FSCN2: variants seen among roughly 807,000 people sequenced by gnomAD.
FSCN2 encodes fascin actin-bundling protein 2, retinal.
A neutral mutation model predicts 37.8 loss-of-function variants in FSCN2; 46 were observed. The ratio of observed to expected loss-of-function variants is 1.22; its 90% CI spans 0.96 to 1.56. The LOEUF is 1.56. FSCN2 is among the 40% of genes most tolerant of loss of function. FSCN2 has a pLI of 0.00. For missense variants in FSCN2, 844 were observed against 730.4 expected (o/e 1.16, Z -1.79); for synonymous variants, 351 against 309.4 (o/e 1.13, Z -1.41).
At chr17:81,518,120 A>G in the FSCN2 span, among the ~76,000 whole-genome samples, 1 of 152,068 alleles carries the variant, frequency 6.6e-6, no homozygotes, top group Non-Finnish European at 1.5e-5. Flanking sequence ...CTGGAGGCCC[A>G]CAGAGTGGGC....
chr17:81,532,167 ATGGTGGTGG>A (rs1374180757), intron 1 of FSCN2, among the ~76,000 whole-genome samples: 6,934 of 121,452 alleles, frequency 0.057, 760 homozygotes, highest in African/African-American at 0.2. Flanking sequence ...GATGATGGTG[ATGGTGGTGG>A]TGATGGTGGT....
In FSCN2 at chr17:81,529,091, A is replaced by T; in HGVS notation, c.560A>T (p.Lys187Met). The T allele has an allele frequency of 6.3e-7, 1 of 1,589,804 alleles. No homozygotes were observed. Among genetic ancestry groups the T allele is most frequent in the Non-Finnish European group, 8.5e-7 (1 of 1,170,112 alleles). The change falls in exon 1 of 5, where the codon AAG (lysine) becomes ATG (methionine). Residue 187 changes from lysine to methionine, a missense_variant. Lys to Met is a moderately conservative substitution (Grantham distance 95). Transcript: ENST00000417245. The part of the protein sequence containing the change: ...LIFRSRRYCL[K>M]SCDSRYLRSD... ...TTCCGGAGCCGACGGTACTGCCTCA[A>T]GTCCTGTGACAGCCGCTACCTGCGC...
At chr17:81,532,127 GATA>G (rs2032675579) in intron 1 of FSCN2, among the ~76,000 whole-genome samples, 1 of 140,682 alleles carries the variant, frequency 7.1e-6, no homozygotes, top group Non-Finnish European at 1.5e-5. Context: ...TGATGGTGAT[GATA>G]GTGATGGTGA....
Position 81,536,202 on chromosome 17 carries a change from C to G in FSCN2, c.1040C>G (p.Ala347Gly), listed in dbSNP as rs1363844454. Residue 347 changes from alanine to glycine, a missense_variant, in exon 3 of 5, where the codon GCC (alanine) becomes GGC (glycine). Physicochemically the swap from Ala to Gly is moderately conservative, Grantham distance 60 (BLOSUM62 0). Coordinates refer to ENST00000417245, the MANE Select transcript of FSCN2 (RefSeq NM_012418.4). Reference sequence around the variant, plus strand: ...CGTGGCCGGCGGGTAGCACTCAAAGCCAGCAACGGGCGCTACGTGTGCATG... The same window carrying G: ...CGTGGCCGGCGGGTAGCACTCAAAGGCAGCAACGGGCGCTACGTGTGCATG... ...EWRGRRVALK[A>G]SNGRYVCMKK... 1 of 1,600,680 alleles carries G rather than the reference C, an allele frequency of 6.2e-7. No homozygotes were observed. The highest frequency in any genetic ancestry group is 1.3e-5 in the African/African-American group (1 of 74,692).
upstream of FSCN2, among the ~76,000 whole-genome samples, chr17:81,528,058 G>C (rs1382687177): frequency 6.6e-6 from 1 of 152,052 alleles, no homozygotes; most frequent in Non-Finnish European, 1.5e-5. Context: ...ACATCCGGAA[G>C]GGCTGGGCCG....
chr17:81,528,775 G>A lies in FSCN2; in HGVS notation c.244G>A (p.Glu82Lys), dbSNP rs562230281. The change falls in exon 1 of 5, where the codon GAG becomes AAG. Residue 82 changes from glutamate to lysine, a missense_variant. By Grantham distance (56) the Glu-to-Lys change is moderately conservative. Transcript: ENST00000417245. ...EEDGRVACEA[E>K]QPGRDCRFLV... The stretch of plus-strand genomic sequence containing the variant: ...GGACGGGCGCGTGGCCTGTGAGGCA[G>A]AGCAGCCGGGCCGTGACTGCCGCTT... 9.5e-6 allele frequency: 15 copies of A among 1,571,796 alleles called. No homozygotes were observed. In the South Asian group the frequency reaches 1.3e-4, roughly 13 times the overall value.
chr17:81,517,903 C>T, the FSCN2 span, among the ~76,000 whole-genome samples: 2 of 152,120 alleles, frequency 1.3e-5, no homozygotes, highest in Non-Finnish European at 2.9e-5. Context: ...GGAGCCCCCA[C>T]CCTCTTCACA....
intron 1 of FSCN2, among the ~76,000 whole-genome samples, chr17:81,531,300 GTGA>G (rs1568077060): frequency 5.7e-5 from 6 of 104,766 alleles, no homozygotes; most frequent in African/African-American, 1.3e-4. Context: ...GGTGGTGATG[GTGA>G]TGGTGGTGGT....
chr17:81,524,745 C>G (rs2032296788), upstream of FSCN2, among the ~76,000 whole-genome samples: 1 of 126,824 alleles, frequency 7.9e-6, no homozygotes, highest in Admixed American at 7.4e-5. Context: ...AAATAGCCTC[C>G]CTTGGGCAGT....
At chr17:81,526,195 C>T (rs1443971433), upstream of FSCN2, among the ~76,000 whole-genome samples, 8 of 152,290 alleles carry the variant, frequency 5.3e-5, no homozygotes, top group Admixed American at 1.3e-4. Context: ...AGGGGCAGGC[C>T]GCCTGGGCTC....
chr17:81,519,611 T>A, the FSCN2 span, among the ~76,000 whole-genome samples: 1 of 152,110 alleles, frequency 6.6e-6, no homozygotes, highest in Non-Finnish European at 1.5e-5. Flanking sequence ...CCCCCGCTCC[T>A]CCCTCCGCCA....
the FSCN2 span, among the ~76,000 whole-genome samples, chr17:81,517,526 T>C: frequency 6.6e-6 from 1 of 152,042 alleles, no homozygotes; most frequent in South Asian, 2.1e-4. Flanking sequence ...CGGTGATGAG[T>C]AAGACGTGCT....
At chr17:81,516,561 C>T in the FSCN2 span, among the ~76,000 whole-genome samples, 1 of 152,120 alleles carries the variant, frequency 6.6e-6, no homozygotes, top group Non-Finnish European at 1.5e-5. Context: ...GGCTCTGCCT[C>T]TTCAGGAACA....
chr17:81,531,497 G>GATA lies in FSCN2; in HGVS notation c.826+2140_826+2141insATA, dbSNP rs1568077528. 3.4e-4 allele frequency among the ~76,000 whole-genome samples: 48 copies of GATA among 140,610 alleles called. 1 individual carries two copies. Among genetic ancestry groups the GATA allele is most frequent in the African/African-American group, 1.4e-3 (47 of 34,678 alleles). The allele number at this position is 140,610 out of a possible 152,430, so 92.2% of individuals were successfully genotyped here. A position where few individuals can be genotyped will look rare whatever the true frequency, so the allele number is the denominator to read the frequency against. Reference sequence around the variant, plus strand: ...TGGTGGTGATGGTGATGATGGTGATGGTGATGGTGGTGATGGTGATGGTGG... The same window carrying GATA: ...TGGTGGTGATGGTGATGATGGTGATGATAGTGATGGTGGTGATGGTGATGGTGG... On this transcript the variant is annotated intron_variant, in intron 1 of 4. Coordinates refer to ENST00000417245, the MANE Select transcript of FSCN2 (RefSeq NM_012418.4).
chr17:81,532,740 A>T (rs554840901), intron 1 of FSCN2, among the ~76,000 whole-genome samples: 23 of 149,212 alleles, frequency 1.5e-4, no homozygotes, highest in African/African-American at 5.9e-4. Flanking sequence ...GGTGATGGTG[A>T]TGATGACAGT....
At chr17:81,521,550 G>C in the FSCN2 span, among the ~76,000 whole-genome samples, 1 of 151,900 alleles carries the variant, frequency 6.6e-6, no homozygotes, top group African/African-American at 2.4e-5. Flanking sequence ...GTTTGTATTT[G>C]TAGTAGAAAT....
the FSCN2 span, among the ~76,000 whole-genome samples, chr17:81,515,464 A>G: frequency 4.1e-4 from 62 of 152,142 alleles, no homozygotes; most frequent in African/African-American, 1.4e-3. Context: ...AAGCGATGTG[A>G]TTTTTCTTTT....
chr17:81,530,194 G>A (rs781812697), intron 1 of FSCN2: 6 of 279,720 alleles, frequency 2.1e-5, no homozygotes, highest in South Asian at 1.1e-4. Flanking sequence ...GCACCACCAC[G>A]TGCCTGACCA....
the FSCN2 span, among the ~76,000 whole-genome samples, chr17:81,518,691 C>T: frequency 6.6e-6 from 1 of 152,136 alleles, no homozygotes; most frequent in African/African-American, 2.4e-5. Flanking sequence ...CGCGGGGCAC[C>T]GAGGTAGGGA....
Sources: gnomAD v4.1 joint callset for allele counts (sites outside exome capture counted in the v4.1 genomes callset) on GRCh38, gnomAD v4.1.1 for gene constraint, MANE v1.5 for transcripts, NCBI Gene and HGNC (gene_info 2026-07-23, HGNC 2026-07-21) for gene names.